The following SDK1 variants were observed in gnomAD, a reference collection of about 807,000 sequenced individuals.
The protein encoded by SDK1 is protein sidekick-1.
In SDK1, 157 loss-of-function variants were observed where a neutral mutation model predicts 245.5. The observed-to-expected ratio is 0.64, with a 90% CI of 0.56 to 0.73. The LOEUF (loss-of-function observed/expected upper bound fraction) is 0.73, where lower values mean the gene tolerates loss of function less well. Ranked by LOEUF, SDK1 falls within the 30% of genes least tolerant of loss-of-function variation. The pLI is 0.00. For synonymous variants in SDK1, 1,647 were observed against 1,278.5 expected (o/e 1.29, Z -6.15); for missense variants, 3,583 against 3,002.3 (o/e 1.19, Z -4.52).
chr7:3,632,523 T>A (rs1057303429), intron 2 of SDK1, among the ~76,000 whole-genome samples: 2 of 151,878 alleles, frequency 1.3e-5, no homozygotes, highest in African/African-American at 4.8e-5. Flanking sequence ...ACCAGATTTA[T>A]ATTCCCAAAA....
chr7:3,481,584 T>G (rs755675281), intron 1 of SDK1, among the ~76,000 whole-genome samples: 1 of 152,196 alleles, frequency 6.6e-6, no homozygotes, highest in Non-Finnish European at 1.5e-5. Flanking sequence ...ATTCTGACCC[T>G]TGAACCACCC....
chr7:4,130,158 C>G, intron 27 of SDK1, 61 bp downstream of exon 27: 1 of 1,451,918 alleles, frequency 6.9e-7, no homozygotes, highest in Non-Finnish European at 9.3e-7. Context: ...CTTTCCAATG[C>G]AAACAATTTG....
chr7:3,983,298 T>C (rs1347021423), intron 13 of SDK1, among the ~76,000 whole-genome samples: 3 of 152,166 alleles, frequency 2.0e-5, no homozygotes, highest in African/African-American at 7.2e-5. Flanking sequence ...GAAAAGTCTT[T>C]CATGAGAGGA....
chr7:3,715,310 A>G (rs1785168255), intron 4 of SDK1, among the ~76,000 whole-genome samples: 1 of 152,202 alleles, frequency 6.6e-6, no homozygotes, highest in African/African-American at 2.4e-5. Context: ...CAGAAATTTT[A>G]TTAAATCAAA....
At chr7:3,355,613 C>A (rs753332697) in intron 1 of SDK1, among the ~76,000 whole-genome samples, 2 of 152,194 alleles carry the variant, frequency 1.3e-5, no homozygotes, top group African/African-American at 4.8e-5. Flanking sequence ...CTTCACGGTA[C>A]CTTTCATGGA....
chr7:3,343,241 A>G (rs902079164), intron 1 of SDK1, among the ~76,000 whole-genome samples: 1 of 152,198 alleles, frequency 6.6e-6, no homozygotes, highest in Non-Finnish European at 1.5e-5. Flanking sequence ...CTTTATTTAT[A>G]ATAAATACCC....
chr7:3,525,527 A>G lies in SDK1; in HGVS notation c.299-93553A>G, dbSNP rs116992441. 1.9e-3 allele frequency among the ~76,000 whole-genome samples: 291 copies of G among 152,152 alleles called. 1 individual carries two copies. Among genetic ancestry groups the G allele is most frequent in the Non-Finnish European group, 3.1e-3 (211 of 68,010 alleles). Reference sequence around the variant, plus strand: ...AACTCGGCATCTCCCAGCACCACCAACCTGGAAAGTGTTTTTGGTAGGTGC... The same window carrying G: ...AACTCGGCATCTCCCAGCACCACCAGCCTGGAAAGTGTTTTTGGTAGGTGC... On this transcript the variant is annotated intron_variant, in intron 1 of 44. Coordinates refer to ENST00000404826, the MANE Select transcript of SDK1 (RefSeq NM_152744.4).
chr7:4,197,394 G>A (rs1436491954), intron 35 of SDK1, among the ~76,000 whole-genome samples: 2 of 152,204 alleles, frequency 1.3e-5, no homozygotes, highest in Admixed American at 6.5e-5. Flanking sequence ...AGGCTGAGGT[G>A]GGAGGATCGC....
chr7:3,983,045 C>G (rs7792193), intron 13 of SDK1, among the ~76,000 whole-genome samples: 4,428 of 152,204 alleles, frequency 0.029, 201 homozygotes, highest in African/African-American at 0.099. Flanking sequence ...TGAACTGCTG[C>G]AATCTCATGA....
intron 17 of SDK1, among the ~76,000 whole-genome samples, chr7:4,044,625 T>G (rs561166492): frequency 6.6e-6 from 1 of 151,936 alleles, no homozygotes; most frequent in South Asian, 2.1e-4. Flanking sequence ...TTTACTTTTG[T>G]AGAGACAGAT....
intron 1 of SDK1, among the ~76,000 whole-genome samples, chr7:3,349,428 G>A (rs1415539976): frequency 2.6e-5 from 4 of 152,114 alleles, no homozygotes; most frequent in East Asian, 3.9e-4. Context: ...ACTGTTGGAT[G>A]GAACTGTGCT....
intron 1 of SDK1, among the ~76,000 whole-genome samples, chr7:3,456,574 A>G (rs1353235032): frequency 2.0e-5 from 3 of 152,214 alleles, no homozygotes; most frequent in African/African-American, 7.2e-5. Flanking sequence ...TAAAAAAATA[A>G]CTTCTAGTTC....
chr7:3,665,909 G>T (rs1783515445), intron 4 of SDK1, among the ~76,000 whole-genome samples: 1 of 152,034 alleles, frequency 6.6e-6, no homozygotes, highest in African/African-American at 2.4e-5. Flanking sequence ...TTCCATTTAT[G>T]AAGGGCAGGG....
chr7:3,729,848 C>G (rs1334442757), intron 4 of SDK1, among the ~76,000 whole-genome samples: 1 of 151,196 alleles, frequency 6.6e-6, no homozygotes, highest in East Asian at 1.9e-4. Flanking sequence ...GGTTCTCGGC[C>G]TTTTGGCTAA....
In SDK1 at chr7:4,114,039, C is replaced by T; in HGVS notation, c.3588C>T (p.Pro1196=). The change falls in exon 25 of 45, where the codon CCC becomes CCT. Residue 1196 remains proline, a splice_region_variant and synonymous_variant. Transcript: ENST00000404826. ...CGCGACTCCTCGTTCCTTCCTAGCC[C>T]CTGCCGGATTCTCAGTACAACGGGA... ...SETSLRLRWV[P]LPDSQYNGNP... The T allele has an allele frequency of 6.2e-7, 1 of 1,613,888 alleles. No individual in the cohort carries two copies. Among genetic ancestry groups the T allele is most frequent in the Non-Finnish European group, 8.5e-7 (1 of 1,179,794 alleles).
intron 1 of SDK1, among the ~76,000 whole-genome samples, chr7:3,323,991 CTG>C (rs1779881096): frequency 6.6e-6 from 1 of 152,168 alleles, no homozygotes; most frequent in Non-Finnish European, 1.5e-5. Flanking sequence ...TCATATTCCT[CTG>C]TGTGTTACAA....
At chr7:4,209,987 A>C (rs1205418029) in intron 37 of SDK1, 38 bp from the exon 38 acceptor site, 3 of 1,514,932 alleles carry the variant, frequency 2.0e-6, no homozygotes, top group Non-Finnish European at 2.6e-6. Context: ...TCTATGTAGG[A>C]GCCCCTGTAA....
intron 5 of SDK1, among the ~76,000 whole-genome samples, chr7:3,890,803 G>A (rs1215090437): frequency 2.0e-5 from 3 of 152,148 alleles, no homozygotes; most frequent in African/African-American, 7.2e-5. Context: ...TTAGCCAGGT[G>A]TTGTGGTGGG....
At chr7:3,798,424 A>G (rs1315740056) in intron 4 of SDK1, among the ~76,000 whole-genome samples, 2 of 151,984 alleles carry the variant, frequency 1.3e-5, no homozygotes, top group Non-Finnish European at 2.9e-5. Flanking sequence ...TCACCGTGTT[A>G]GCCATGATGG....
Sources: gnomAD v4.1 joint callset for allele counts (sites outside exome capture counted in the v4.1 genomes callset) on GRCh38, gnomAD v4.1.1 for gene constraint, MANE v1.5 for transcripts, NCBI Gene and HGNC (gene_info 2026-07-23, HGNC 2026-07-21) for gene names.